The following SNX21 variants were observed in gnomAD, a reference collection of about 807,000 sequenced individuals.
SNX21 encodes the protein sorting nexin family member 21, also known as sorting nexin-21.
In SNX21, 36 loss-of-function variants were observed where a neutral mutation model predicts 30.9. The ratio of observed to expected loss-of-function variants is 1.16; its 90% confidence interval spans 0.89 to 1.54. The LOEUF (loss-of-function observed/expected upper bound fraction) is 1.54. Among genes scored for constraint, SNX21 ranks in the 40% most tolerant of loss-of-function variants. The probability of loss-of-function intolerance (pLI) is 0.00; values close to 1 mark genes in which losing one functional copy is unlikely to be tolerated. For synonymous variants in SNX21, 218 were observed against 222.7 expected, an observed-to-expected ratio of 0.98 and a Z score of 0.19; for missense variants, 508 against 516.5, an observed-to-expected ratio of 0.98 and a Z score of 0.16.
In SNX21 at chr20:45,839,284, G is replaced by A. The variant is rs989146341; in HGVS notation, c.448-1355G>A. On this transcript the variant is annotated intron_variant, in intron 3 of 3. Transcript: ENST00000491381. ...TAATCCCAGCACTCTGGGAGGCAAA[G>A]GCGGGCGGATCACAAGGTCAGGAGA... is the stretch of plus-strand genomic sequence containing the variant. 7.0e-4 allele frequency among the ~76,000 whole-genome samples: 106 copies of A among 152,236 alleles called. 2 individuals are homozygous for A. The highest frequency in any genetic ancestry group is 3.4e-3 in the Middle Eastern group (1 of 294).
chr20:45,835,087 G>T lies in SNX21; in HGVS notation c.418G>T (p.Val140Phe). The change falls in exon 3 of 4, where the codon GTT becomes TTT. Residue 140 changes from valine to phenylalanine, a missense_variant. Physicochemically the swap from Val to Phe is conservative, Grantham distance 50 (BLOSUM62 -1). Coordinates refer to ENST00000491381, the MANE Select transcript of SNX21 (RefSeq NM_033421.4). Reference protein sequence around the residue: ...RLLFEVTSANVVKDPPSKYVL... With the variant: ...RLLFEVTSANFVKDPPSKYVL... ...GCTCTTCGAAGTGACCAGCGCTAAC[G>T]TTGTCAAGGACCCGCCCTCCAAGTA... 3 of 1,614,032 alleles carry T rather than the reference G, an allele frequency of 1.9e-6. No individual in the cohort carries two copies. The highest frequency in any genetic ancestry group is 2.5e-6 in the Non-Finnish European group (3 of 1,179,944).
In SNX21 at chr20:45,841,603, G is replaced by A; in HGVS notation, c.*290G>A. On this transcript the variant is annotated 3_prime_UTR_variant, in exon 4 of 4. Transcript: ENST00000491381. ...TGGGGCAATGTTCCCTTGTTGGTGG[G>A]CCCCCAAGCTGGCAAGGCCTCTTGG... 7.1e-7 allele frequency: 1 copy of A among 1,400,902 alleles called. No individual in the cohort carries two copies. The highest frequency in any genetic ancestry group is 1.7e-5 in the South Asian group (1 of 58,788). 86.8% of individuals were successfully genotyped at this position (1,400,902 alleles called of 1,614,324 possible).
chr20:45,833,924 A>C lies in SNX21; in HGVS notation c.5A>C (p.His2Pro). The C allele has an allele frequency of 7.0e-7, 1 of 1,426,760 alleles. No individual in the cohort carries two copies. The highest frequency in any genetic ancestry group is 9.2e-7 in the Non-Finnish European group (1 of 1,092,748). The allele number at this position is 1,426,760 out of a possible 1,614,324, so 88.4% of individuals were successfully genotyped here. The stretch of plus-strand genomic sequence containing the variant: ...TGGGGCGCGGCGCGCCCCTGAATGC[A>C]CCGTGGGACGCAGGAGGTAGAGGCG... M[H>P]RGTQEGAMAS... The change falls in exon 1 of 4, where the codon CAC (histidine) becomes CCC (proline). Residue 2 changes from histidine to proline, a missense_variant. His to Pro is a moderately conservative substitution (Grantham distance 77). Coordinates refer to ENST00000491381, the MANE Select transcript of SNX21 (RefSeq NM_033421.4).
At position 45,834,384 on chromosome 20, in the gene SNX21, G is replaced by A. The variant is rs1022854291; in HGVS notation, c.205G>A (p.Asp69Asn). ...GTLSFTSAED[D>N]EDDEDEDDEE... ...CCTCAGCTTCACCAGCGCCGAGGAC[G>A]ACGAGGACGACGAGGACGAGGACGA... The change falls in exon 2 of 4, where the codon GAC becomes AAC. Residue 69 changes from aspartate (D) to asparagine (N), a missense_variant. By Grantham distance (23) the Asp-to-Asn change is conservative. Transcript: ENST00000491381. The A allele has an allele frequency of 1.3e-6, 2 of 1,596,076 alleles. No individual in the cohort carries two copies. The highest frequency in any genetic ancestry group is 1.3e-5 in the African/African-American group (1 of 74,724).
At position 45,841,923 on chromosome 20, in the gene SNX21, C is replaced by G. The variant is rs761728365; in HGVS notation, c.*610C>G. 3 of 1,613,210 alleles carry G rather than the reference C, an allele frequency of 1.9e-6. No individual in the cohort carries two copies. In the East Asian group the frequency reaches 6.7e-5, roughly 36 times the overall value. Reference sequence around the variant, plus strand: ...CACAGCTAGGACTCCATCCTGACGCCACAGCCGCCCATGGACCAGCCCCCG... The same window carrying G: ...CACAGCTAGGACTCCATCCTGACGCGACAGCCGCCCATGGACCAGCCCCCG... On this transcript the variant is annotated 3_prime_UTR_variant, in exon 4 of 4. Coordinates refer to ENST00000491381, the MANE Select transcript of SNX21 (RefSeq NM_033421.4).
At chr20:45,838,633 A>G (rs1436402785) in intron 3 of SNX21, among the ~76,000 whole-genome samples, 1 of 151,950 alleles carries the variant, frequency 6.6e-6, no homozygotes, top group African/African-American at 2.4e-5. Context: ...AGGCGCCTGT[A>G]ATCCCAGCTA....
In SNX21 at chr20:45,839,286, C is replaced by T. The variant is rs868372759; in HGVS notation, c.448-1353C>T. ...ATCCCAGCACTCTGGGAGGCAAAGG[C>T]GGGCGGATCACAAGGTCAGGAGATC... On this transcript the variant is annotated intron_variant, in intron 3 of 3. Transcript: ENST00000491381. Among the ~76,000 whole-genome samples, 11 of 152,070 alleles carry T rather than the reference C, an allele frequency of 7.2e-5. No individual in the cohort carries two copies. In the East Asian group the frequency reaches 7.7e-4, roughly 11 times the overall value.
chr20:45,841,519 C>A lies in SNX21; in HGVS notation c.*206C>A. On this transcript the variant is annotated 3_prime_UTR_variant, in exon 4 of 4. Coordinates refer to ENST00000491381, the MANE Select transcript of SNX21 (RefSeq NM_033421.4). ...TGGCTGGGGTTGCCCTTGTGTAGTA[C>A]AGGGAAGTCTGACACAGCCTCTCCA... 7.2e-7 allele frequency: 1 copy of A among 1,392,548 alleles called. No homozygotes were observed. 86.3% of individuals were successfully genotyped at this position (1,392,548 alleles called of 1,614,324 possible). A position where few individuals can be genotyped will look rare whatever the true frequency, so the allele number is the denominator to read the frequency against.
In SNX21 at chr20:45,842,568, C is replaced by G. The variant is rs151222236; in HGVS notation, c.*1255C>G. ...GAGGTCTGGCCTCTTCCCTCCCCAT[C>G]TGGAGACTCTTTCTCCCTTGCTGGC... On this transcript the variant is annotated 3_prime_UTR_variant, in exon 4 of 4. Transcript: ENST00000491381. The G allele has an allele frequency of 5.7e-4, 569 of 996,110 alleles. No homozygotes were observed. In the East Asian group the frequency reaches 9.7e-3, roughly 17 times the overall value. 61.7% of individuals were successfully genotyped at this position (996,110 alleles called of 1,614,324 possible).
Position 45,842,246 on chromosome 20 carries a change from T to G in SNX21, c.*933T>G, listed in dbSNP as rs542599067. 6.9e-7 allele frequency: 1 copy of G among 1,439,860 alleles called. No homozygotes were observed. Among genetic ancestry groups the G allele is most frequent in the South Asian group, 1.5e-5 (1 of 66,910 alleles). The allele number at this position is 1,439,860 out of a possible 1,614,324, so 89.2% of individuals were successfully genotyped here. ...CAAATGCCCCTTCATGAGCTTATTA[T>G]GGACCGTCATTGAGGGGTAACTCCT... On this transcript the variant is annotated 3_prime_UTR_variant, in exon 4 of 4. Transcript: ENST00000491381.
Position 45,833,882 on chromosome 20 carries a change from G to A in SNX21, c.-38G>A, listed in dbSNP as rs1601061453. 6 of 1,351,238 alleles carry A rather than the reference G, an allele frequency of 4.4e-6. No homozygotes were observed. The highest frequency in any genetic ancestry group is 3.8e-5 in the Admixed American group (1 of 26,054). 83.7% of individuals were successfully genotyped at this position (1,351,238 alleles called of 1,614,324 possible). A position where few individuals can be genotyped will look rare whatever the true frequency, so the allele number is the denominator to read the frequency against. On this transcript the variant is annotated 5_prime_UTR_variant, in exon 1 of 4. Transcript: ENST00000491381. ...CGGCCGACCTCCATGGGCTGCGGGG[G>A]GCTGCACCCGGACCCCTGGGGCGCG...
At position 45,840,695 on chromosome 20, in the gene SNX21, CTCTCGCCGTT is replaced by C; in HGVS notation, c.505_514del (p.Ser169ThrfsTer113). 1 of 1,614,226 alleles carries C rather than the reference CTCTCGCCGTT, an allele frequency of 6.2e-7. No homozygotes were observed. The highest frequency in any genetic ancestry group is 8.5e-7 in the Non-Finnish European group (1 of 1,180,054). Reference sequence around the variant, plus strand: ...CGCCAGATTGCCAGCCAGCCCAGATCTCTCGCCGTTACTCGGACTTTGAGCGGCTGCACCG... The same window carrying C: ...CGCCAGATTGCCAGCCAGCCCAGATCACTCGGACTTTGAGCGGCTGCACCG... On this transcript the variant is annotated frameshift_variant, in exon 4 of 4. Coordinates refer to ENST00000491381, the MANE Select transcript of SNX21 (RefSeq NM_033421.4). LOFTEE classifies it high-confidence loss of function.
Position 45,833,870 on chromosome 20 carries a change from TGGGCTGCGGG to T in SNX21, c.-42_-33del. 1 of 1,326,276 alleles carries T rather than the reference TGGGCTGCGGG, an allele frequency of 7.5e-7. No homozygotes were observed. Among genetic ancestry groups the T allele is most frequent in the East Asian group, 3.1e-5 (1 of 32,368 alleles). 82.2% of individuals were successfully genotyped at this position (1,326,276 alleles called of 1,614,324 possible). ...CCCTGCAGAACCCGGCCGACCTCCA[TGGGCTGCGGG>T]GGGCTGCACCCGGACCCCTGGGGCG... On this transcript the variant is annotated 5_prime_UTR_variant, in exon 1 of 4. It removes the in-frame stop codon of an upstream open reading frame in the 5' UTR. Transcript: ENST00000491381.
chr20:45,838,911 TGA>T (rs1555822135), intron 3 of SNX21, among the ~76,000 whole-genome samples: 2 of 151,042 alleles, frequency 1.3e-5, no homozygotes, highest in Non-Finnish European at 2.9e-5. Context: ...TTTTTTTTTT[TGA>T]GAGAGAGTTT....
chr20:45,836,565 G>A (rs564686786), intron 3 of SNX21, among the ~76,000 whole-genome samples: 1 of 151,080 alleles, frequency 6.6e-6, no homozygotes, highest in South Asian at 2.1e-4. Flanking sequence ...GTGCAGTGGT[G>A]CAGTCATAAC....
chr20:45,837,703 TA>T (rs1983659332), intron 3 of SNX21, among the ~76,000 whole-genome samples: 2 of 152,212 alleles, frequency 1.3e-5, no homozygotes, highest in African/African-American at 4.8e-5. Flanking sequence ...TTGTCCTATC[TA>T]AAAATGCCAC....
At position 45,841,315 on chromosome 20, in the gene SNX21, C is replaced by T; in HGVS notation, c.*2C>T. On this transcript the variant is annotated 3_prime_UTR_variant, in exon 4 of 4. Transcript: ENST00000491381. ...CTCATCAAGGAGGTGCTGGACTAAC[C>T]CTTGCCTAGATTTAAGGCCACTGTG... 6.5e-7 allele frequency: 1 copy of T among 1,540,298 alleles called. No individual in the cohort carries two copies. Among genetic ancestry groups the T allele is most frequent in the Non-Finnish European group, 8.7e-7 (1 of 1,146,430 alleles).
intron 3 of SNX21, among the ~76,000 whole-genome samples, chr20:45,835,824 G>A (rs1339531401): frequency 6.6e-6 from 1 of 152,206 alleles, no homozygotes; most frequent in African/African-American, 2.4e-5. Context: ...GACTTAGAGG[G>A]TTGGTGGAGG....
chr20:45,839,831 C>T (rs1328693751), intron 3 of SNX21, among the ~76,000 whole-genome samples: 1 of 152,018 alleles, frequency 6.6e-6, no homozygotes, highest in African/African-American at 2.4e-5. Context: ...AATGCTTCAG[C>T]CCAGGAGGTT....
Sources: gnomAD v4.1 joint callset for allele counts (sites outside exome capture counted in the v4.1 genomes callset) on GRCh38, gnomAD v4.1.1 for gene constraint, MANE v1.5 for transcripts, NCBI Gene and HGNC (gene_info 2026-07-23, HGNC 2026-07-21) for gene names.